The following SRPRB variants were observed in gnomAD, a reference collection of about 807,000 sequenced individuals.
SRPRB encodes the protein SRP receptor subunit beta, also known as signal recognition particle receptor subunit beta.
In SRPRB, 20 loss-of-function variants were observed where a neutral mutation model predicts 31.9. The observed-to-expected ratio is 0.63, with a 90% CI of 0.44 to 0.91. SRPRB has a LOEUF of 0.91. SRPRB is among the 40% of genes least tolerant of loss of function. SRPRB has a pLI of 0.00. For synonymous variants in SRPRB, 146 were observed against 132.8 expected, an observed-to-expected ratio of 1.10 and a Z score of -0.68; for missense variants, 321 against 324.9, an observed-to-expected ratio of 0.99 and a Z score of 0.09.
At chr3:133,828,105 G>C (rs1443191131), downstream of SRPRB, 2 of 647,296 alleles carry the variant, frequency 3.1e-6, no homozygotes, top group Non-Finnish European at 5.6e-6. Context: ...GGTGGGAGCA[G>C]TTCCTCTGGG....
At chr3:133,800,051 T>C (rs1272360535) in intron 1 of SRPRB, among the ~76,000 whole-genome samples, 1 of 152,218 alleles carries the variant, frequency 6.6e-6, no homozygotes, top group African/African-American at 2.4e-5. Context: ...AGTGTGGCAC[T>C]GTTCCTCTGT....
chr3:133,786,310 T>C (rs1470433053), intron 1 of SRPRB: 1 of 152,150 alleles, frequency 6.6e-6, no homozygotes, highest in Non-Finnish European at 1.5e-5. Context: ...TTAGAGATAG[T>C]AAAATAACAC....
chr3:133,811,973 G>A (rs1185064444), intron 4 of SRPRB, among the ~76,000 whole-genome samples: 1 of 144,800 alleles, frequency 6.9e-6, no homozygotes, highest in Non-Finnish European at 1.5e-5. Context: ...TGGTGTTACT[G>A]ACTCTTAAGT....
At chr3:133,800,888 C>T (rs778434286), upstream of SRPRB, among the ~76,000 whole-genome samples, 5 of 152,116 alleles carry the variant, frequency 3.3e-5, no homozygotes, top group Admixed American at 6.5e-5. Context: ...TTAAAAATAA[C>T]GTGTTCGTTT....
rs767517444 is a variant in SRPRB at position 133,816,957 on chromosome 3, TTAATTA to T, written c.602+28_602+33del. On this transcript the variant is annotated intron_variant, in intron 6 of 6. Transcript: ENST00000678299. ...TGTAAGTGTGAAAGAGGCCTGTTGGTTAATTATATATCTTAACACTTAGACTGTAAG... is the reference window on the plus strand; with the variant it reads ...TGTAAGTGTGAAAGAGGCCTGTTGGTTATATCTTAACACTTAGACTGTAAG... 1.9e-6 allele frequency: 3 copies of T among 1,595,434 alleles called. No homozygotes were observed. In the East Asian group the frequency reaches 6.7e-5, roughly 36 times the overall value.
At chr3:133,788,360 G>C (rs919507173) in intron 1 of SRPRB, 13 of 152,224 alleles carry the variant, frequency 8.5e-5, no homozygotes, top group Admixed American at 5.9e-4. Context: ...TGGAAACCTT[G>C]AGAGGGTATT....
chr3:133,823,647 T>G (rs1159027763), downstream of SRPRB, among the ~76,000 whole-genome samples: 1 of 152,192 alleles, frequency 6.6e-6, no homozygotes, highest in Non-Finnish European at 1.5e-5. Flanking sequence ...TTGGCCTTTG[T>G]TCCTCTTTGG....
At chr3:133,827,992 C>A (rs1935597431), downstream of SRPRB, 3 of 702,806 alleles carry the variant, frequency 4.3e-6, no homozygotes, top group Admixed American at 4.0e-5. Flanking sequence ...GCACCTCGTC[C>A]TTCTGATGGC....
At chr3:133,828,225 G>T, downstream of SRPRB, 1 of 545,906 alleles carries the variant, frequency 1.8e-6, no homozygotes, top group South Asian at 2.2e-5. Context: ...CTTTTCAGAG[G>T]CTGATGTGTT....
intron 5 of SRPRB, among the ~76,000 whole-genome samples, chr3:133,816,473 A>G (rs1203993494): frequency 6.6e-6 from 1 of 152,226 alleles, no homozygotes; most frequent in Non-Finnish European, 1.5e-5. Context: ...CTTAGGATCA[A>G]TTGGAAACAT....
chr3:133,806,618 A>T lies in SRPRB; in HGVS notation c.164A>T (p.Lys55Met). 1 of 1,614,072 alleles carries T rather than the reference A, an allele frequency of 6.2e-7. No homozygotes were observed. The highest frequency in any genetic ancestry group is 8.5e-7 in the Non-Finnish European group (1 of 1,179,890). The change falls in exon 2 of 7, where the codon AAG becomes ATG. Residue 55 changes from lysine to methionine, a missense_variant. Physicochemically the swap from Lys to Met is moderately conservative, Grantham distance 95. Coordinates refer to ENST00000678299, the MANE Select transcript of SRPRB (RefSeq NM_001379313.1). ...TCTGTCTATTCCACAGTCTTCTGGA[A>T]GTTAATCCGGAGCAGAAGGAGCAGT... ...LAVLLTLVFW[K>M]LIRSRRSSQR...
chr3:133,828,221 A>AC, downstream of SRPRB: 1 of 550,400 alleles, frequency 1.8e-6, no homozygotes, highest in South Asian at 2.2e-5. Flanking sequence ...CTACCTTTTC[A>AC]GAGGCTGATG....
At chr3:133,805,814 C>G (rs368237852), upstream of SRPRB, 6 of 1,580,476 alleles carry the variant, frequency 3.8e-6, no homozygotes, top group East Asian at 1.1e-4. Context: ...AGGGCCACGT[C>G]GCTTTTGCTG....
chr3:133,798,209 G>A (rs1935007346), intron 1 of SRPRB, among the ~76,000 whole-genome samples: 1 of 152,208 alleles, frequency 6.6e-6, no homozygotes, highest in Non-Finnish European at 1.5e-5. Flanking sequence ...AACCACCACT[G>A]AGCAGTGTAT....
intron 1 of SRPRB, chr3:133,789,999 A>C (rs1934792997): frequency 6.8e-6 from 1 of 146,728 alleles, no homozygotes; most frequent in Non-Finnish European, 1.5e-5. Context: ...ACTTAGGTTT[A>C]AGTGCACACC....
Position 133,821,128 on chromosome 3 carries a change from C to T in SRPRB, c.*1362C>T, listed in dbSNP as rs1639193508. On this transcript the variant is annotated 3_prime_UTR_variant, in exon 7 of 7. Transcript: ENST00000678299. ...GTGATCCTCCATGTATGGCCTCTGC[C>T]TGCTGTCTCACATGTCCCTTCTGGT... is the stretch of plus-strand genomic sequence containing the variant. The T allele has an allele frequency of 6.6e-6, 1 of 152,308 alleles. No homozygotes were observed. Among genetic ancestry groups the T allele is most frequent in the African/African-American group, 2.4e-5 (1 of 41,456 alleles). The allele number at this position is 152,308 out of a possible 1,614,324, so 9.4% of individuals were successfully genotyped here.
chr3:133,827,821 AG>A (rs751580131), downstream of SRPRB: 2 of 419,690 alleles, frequency 4.8e-6, no homozygotes, highest in South Asian at 3.3e-5. Flanking sequence ...TCCAGGAGGA[AG>A]GCTTCAGGAT....
Position 133,816,824 on chromosome 3 carries a change from G to A in SRPRB, c.548-54G>A, listed in dbSNP as rs1001848845. ...ATTTTCCTTCTGTGTAAGAAGTCTTGGGGAAAAAACTCATTCTCGTTTAAA... is the reference window on the plus strand; with the variant it reads ...ATTTTCCTTCTGTGTAAGAAGTCTTAGGGAAAAAACTCATTCTCGTTTAAA... On this transcript the variant is annotated intron_variant, in intron 5 of 6. Coordinates refer to ENST00000678299, the MANE Select transcript of SRPRB (RefSeq NM_001379313.1). 6 of 1,437,334 alleles carry A rather than the reference G, an allele frequency of 4.2e-6. No individual in the cohort carries two copies. The Admixed American group carries it at 5.9e-5, about 14-fold the overall frequency. 89.0% of individuals were successfully genotyped at this position (1,437,334 alleles called of 1,614,324 possible). A position where few individuals can be genotyped will look rare whatever the true frequency, so the allele number is the denominator to read the frequency against.
intron 1 of SRPRB, chr3:133,795,570 A>ATTTTTTTTTTT (rs745790067): frequency 1.0e-5 from 1 of 98,320 alleles, no homozygotes; most frequent in Non-Finnish European, 1.9e-5. Context: ...AAAAAGTGGA[A>ATTTTTTTTTTT]TTTTTTTTTT....
Sources: allele counts gnomAD v4.1 joint callset (sites outside exome capture counted in the v4.1 genomes callset), GRCh38; gene constraint gnomAD v4.1.1; transcripts MANE v1.5; gene names NCBI Gene and HGNC (gene_info 2026-07-23, HGNC 2026-07-21).